The following ZNF560 variants were observed in gnomAD, a reference collection of about 807,000 sequenced individuals.
ZNF560 encodes the protein zinc finger protein 560.
Under a neutral mutation model 81.8 loss-of-function variants are expected in ZNF560, and 54 were observed. That is an observed-to-expected ratio of 0.66 (90% CI 0.53 to 0.83). ZNF560 has a LOEUF of 0.83. Ranked by LOEUF, ZNF560 falls within the 40% of genes least tolerant of loss-of-function variation. ZNF560 has a pLI of 0.00. For missense variants in ZNF560, 940 were observed against 932.4 expected (o/e 1.01, Z -0.11); for synonymous variants, 321 against 317.9 (o/e 1.01, Z -0.10).
intron 2 of ZNF560, among the ~76,000 whole-genome samples, chr19:9,480,015 A>C (rs1242226711): frequency 2.6e-5 from 4 of 152,224 alleles, no homozygotes; most frequent in Non-Finnish European, 5.9e-5. Flanking sequence ...ATAGATTGCA[A>C]TAAAATAATG....
the ZNF560 span, among the ~76,000 whole-genome samples, chr19:9,453,175 G>A: frequency 6.6e-6 from 1 of 152,152 alleles, no homozygotes; most frequent in East Asian, 1.9e-4. Flanking sequence ...CCAAAGGTGA[G>A]CCAGCAGAAT....
rs779334921 is a variant in ZNF560, at chr19:9,467,906, G to A, written c.1041C>T (p.Pro347=). 1.2e-6 allele frequency: 2 copies of A among 1,614,028 alleles called. No individual in the cohort carries two copies. The highest frequency in any genetic ancestry group is 8.5e-7 in the Non-Finnish European group (1 of 1,180,024). The part of the protein sequence containing the change: ...VNVETHIIKN[P]YECKECGKDF... ...CTTTTCCACATTCCTTACATTCATA[G>A]GGGTTTTTAATAATGTGTGTTTCAA... Residue 347 remains proline (P), a synonymous_variant, in exon 10 of 10, where the codon CCC becomes CCT. Coordinates refer to ENST00000301480, the MANE Select transcript of ZNF560 (RefSeq NM_152476.3).
intron 2 of ZNF560, among the ~76,000 whole-genome samples, chr19:9,483,999 C>A (rs1046304205): frequency 1.3e-5 from 2 of 152,238 alleles, no homozygotes; most frequent in Admixed American, 1.3e-4. Flanking sequence ...TACCCCCAAC[C>A]CGGTGCTCTC....
At position 9,467,325 on chromosome 19, in the gene ZNF560, T is replaced by C. The variant is rs2073041222; in HGVS notation, c.1622A>G (p.Glu541Gly). The C allele has an allele frequency of 1.2e-6, 2 of 1,614,188 alleles. No homozygotes were observed. The highest frequency in any genetic ancestry group is 1.7e-6 in the Non-Finnish European group (2 of 1,180,024). ...LRIHMRTHTE[E>G]RLYQCKKCGK... ...ACATTTCTTACATTGATAGAGTCTC[T>C]CTTCTGTGTGAGTTCGCATGTGAAT... The change falls in exon 10 of 10, where the codon GAG becomes GGG. Residue 541 changes from glutamate (E) to glycine (G), a missense_variant. Glu to Gly is a moderately conservative substitution (Grantham distance 98). Transcript: ENST00000301480.
intron 6 of ZNF560, among the ~76,000 whole-genome samples, 155 bp from the exon 7 acceptor site, chr19:9,470,673 A>G (rs1437016582): frequency 6.6e-6 from 1 of 152,202 alleles, no homozygotes; most frequent in Non-Finnish European, 1.5e-5. Flanking sequence ...TCTTCTATCC[A>G]CATTCACTCA....
chr19:9,456,617 T>C, the ZNF560 span, among the ~76,000 whole-genome samples: 1 of 152,208 alleles, frequency 6.6e-6, no homozygotes, highest in Non-Finnish European at 1.5e-5. Context: ...GACATTTCAA[T>C]CATATCTCTA....
At chr19:9,476,511 C>T (rs12971505) in intron 2 of ZNF560, among the ~76,000 whole-genome samples, 48,856 of 151,992 alleles carry the variant, frequency 0.32, 10,056 homozygotes, top group Non-Finnish European at 0.46. Flanking sequence ...AGGCTGGTCT[C>T]GAACTCCTGA....
intron 6 of ZNF560, 135 bp downstream of exon 6, chr19:9,471,161 G>T: frequency 3.6e-6 from 2 of 555,760 alleles, no homozygotes; most frequent in Non-Finnish European, 6.0e-6. Context: ...CATTATCAGA[G>T]CATCTCTCCA....
At chr19:9,474,054 A>T in intron 4 of ZNF560, 145 bp downstream of exon 4, 1 of 907,860 alleles carries the variant, frequency 1.1e-6, no homozygotes, top group Non-Finnish European at 1.7e-6. Flanking sequence ...CCACACTTTG[A>T]AAACGACCAC....
At chr19:9,494,533 G>A (rs1041679740) in intron 2 of ZNF560, among the ~76,000 whole-genome samples, 1 of 152,046 alleles carries the variant, frequency 6.6e-6, no homozygotes, top group Non-Finnish European at 1.5e-5. Flanking sequence ...TGAGGAGTTC[G>A]AGACCAGCCT....
chr19:9,447,524 G>C, the ZNF560 span, among the ~76,000 whole-genome samples: 1 of 152,038 alleles, frequency 6.6e-6, no homozygotes, highest in Non-Finnish European at 1.5e-5. Flanking sequence ...ATCTTAAGAA[G>C]TAATTAATCA....
chr19:9,479,170 T>C (rs2073247594), intron 2 of ZNF560, among the ~76,000 whole-genome samples: 1 of 150,798 alleles, frequency 6.6e-6, no homozygotes, highest in South Asian at 2.1e-4. Context: ...CTGGGATTTT[T>C]TTTTTCCAAA....
intron 2 of ZNF560, among the ~76,000 whole-genome samples, chr19:9,477,228 T>TACAC (rs2073216651): frequency 6.6e-6 from 1 of 152,118 alleles, no homozygotes; most frequent in African/African-American, 2.4e-5. Context: ...TACATATATA[T>TACAC]ATGCTCACTT....
At chr19:9,483,874 T>G (rs528915604) in intron 2 of ZNF560, among the ~76,000 whole-genome samples, 1 of 151,002 alleles carries the variant, frequency 6.6e-6, no homozygotes, top group Non-Finnish European at 1.5e-5. Flanking sequence ...GGGGGAAAGA[T>G]AGAGAAATCA....
At chr19:9,488,140 GCTAA>G (rs1335283060) in intron 2 of ZNF560, among the ~76,000 whole-genome samples, 4 of 152,104 alleles carry the variant, frequency 2.6e-5, no homozygotes, top group African/African-American at 9.7e-5. Flanking sequence ...TCCCACAGGA[GCTAA>G]CTGTTATAAA....
chr19:9,449,989 A>AC, the ZNF560 span, among the ~76,000 whole-genome samples: 3 of 147,120 alleles, frequency 2.0e-5, no homozygotes, highest in Admixed American at 6.8e-5. Context: ...AAAAAAAAAA[A>AC]AAAAAAAAAC....
At chr19:9,463,525 TTAAGAC>T (rs1380027320), downstream of ZNF560, among the ~76,000 whole-genome samples, 1 of 152,198 alleles carries the variant, frequency 6.6e-6, no homozygotes, top group Non-Finnish European at 1.5e-5. Flanking sequence ...CACAAGGCAA[TTAAGAC>T]TAATCTGCGT....
chr19:9,492,874 A>G (rs1054362364), intron 2 of ZNF560, among the ~76,000 whole-genome samples: 1 of 152,192 alleles, frequency 6.6e-6, no homozygotes, highest in African/African-American at 2.4e-5. Context: ...TAATTTGGAG[A>G]TCTGAGTCCA....
chr19:9,479,685 C>T (rs1386029579), intron 2 of ZNF560, among the ~76,000 whole-genome samples: 2 of 152,030 alleles, frequency 1.3e-5, no homozygotes, highest in East Asian at 3.8e-4. Context: ...TATATGTGCA[C>T]ATATTTTCCC....
Sources: gnomAD v4.1 joint callset for allele counts (sites outside exome capture counted in the v4.1 genomes callset) on GRCh38, gnomAD v4.1.1 for gene constraint, MANE v1.5 for transcripts, NCBI Gene and HGNC (gene_info 2026-07-23, HGNC 2026-07-21) for gene names.